GALNTL6: variants seen among roughly 807,000 people sequenced by gnomAD.
GALNTL6 encodes the protein polypeptide N-acetylgalactosaminyltransferase-like 6.
A neutral mutation model predicts 73.7 loss-of-function variants in GALNTL6; 46 were observed. The observed-to-expected ratio is 0.62, with a 90% CI of 0.49 to 0.80. GALNTL6 has a LOEUF of 0.80. GALNTL6 is among the 30% of genes least tolerant of loss of function. GALNTL6 has a pLI of 0.00. For synonymous variants in GALNTL6, 259 were observed against 263.7 expected (o/e 0.98, Z 0.17); for missense variants, 604 against 755.0 (o/e 0.80, Z 2.34).
chr4:172,726,152 G>A (rs1735787343), intron 5 of GALNTL6, among the ~76,000 whole-genome samples: 2 of 152,152 alleles, frequency 1.3e-5, no homozygotes, highest in Admixed American at 1.3e-4. Context: ...TTCCTGCTGA[G>A]CCCTGTAAAC....
Position 172,274,948 on chromosome 4 carries a change from G to A in GALNTL6, c.248-36666G>A, listed in dbSNP as rs138666318. Among the ~76,000 whole-genome samples the A allele has an allele frequency of 1.2e-3, 188 of 152,240 alleles. 1 individual carries two copies. The highest frequency in any genetic ancestry group is 4.1e-3 in the African/African-American group (171 of 41,552). ...AATCTTTTACATTTGTGTAAAAACCGTAGTAAAATTGAGATTACCTGGGTG... is the reference window on the plus strand; with the variant it reads ...AATCTTTTACATTTGTGTAAAAACCATAGTAAAATTGAGATTACCTGGGTG... On this transcript the variant is annotated intron_variant, in intron 3 of 12. Transcript: ENST00000506823.
intron 3 of GALNTL6, among the ~76,000 whole-genome samples, chr4:172,247,482 C>T (rs993068825): frequency 2.0e-5 from 3 of 152,196 alleles, no homozygotes; most frequent in African/African-American, 4.8e-5. Context: ...TACAAAACAG[C>T]TCCTTCCAAC....
intron 5 of GALNTL6, among the ~76,000 whole-genome samples, chr4:172,519,392 A>C (rs1734705411): frequency 6.6e-6 from 1 of 151,412 alleles, no homozygotes; most frequent in Non-Finnish European, 1.5e-5. Flanking sequence ...TGCCTTATCT[A>C]GTAGTTGACC....
chr4:172,012,008 G>A (rs142067062), intron 2 of GALNTL6, among the ~76,000 whole-genome samples: 1 of 151,938 alleles, frequency 6.6e-6, no homozygotes, highest in African/African-American at 2.4e-5. Flanking sequence ...TTATTGATTT[G>A]TCATTTCAGG....
rs548566059 is a variant in GALNTL6, at chr4:172,817,676, C to T, written c.923+3953C>T. Among the ~76,000 whole-genome samples the T allele has an allele frequency of 6.6e-5, 10 of 152,236 alleles. No homozygotes were observed. In the South Asian group the frequency reaches 8.3e-4, roughly 13 times the overall value. Reference sequence around the variant, plus strand: ...CCATGATGACAAAGAGAAAGATGTTCATTTGCTTTCTAAAAGTTTAGAGTG... The same window carrying T: ...CCATGATGACAAAGAGAAAGATGTTTATTTGCTTTCTAAAAGTTTAGAGTG... On this transcript the variant is annotated intron_variant, in intron 7 of 12. Coordinates refer to ENST00000506823, the MANE Select transcript of GALNTL6 (RefSeq NM_001034845.3).
At chr4:172,826,970 C>T (rs184334240) in intron 7 of GALNTL6, among the ~76,000 whole-genome samples, 154 of 152,326 alleles carry the variant, frequency 1.0e-3, no homozygotes, top group Non-Finnish European at 2.0e-3. Flanking sequence ...TGGGCCAAGT[C>T]ACAGTGGGGG....
chr4:172,397,490 T>G (rs1743888298), intron 5 of GALNTL6, among the ~76,000 whole-genome samples: 1 of 152,160 alleles, frequency 6.6e-6, no homozygotes, highest in Non-Finnish European at 1.5e-5. Context: ...ATCACTCACC[T>G]TATGTGAGCT....
chr4:172,261,731 A>G (rs1298320678), intron 3 of GALNTL6, among the ~76,000 whole-genome samples: 2 of 151,186 alleles, frequency 1.3e-5, no homozygotes, highest in Non-Finnish European at 3.0e-5. Flanking sequence ...GATGTAGGCA[A>G]TTAATGCTAT....
At chr4:172,992,072 A>G (rs907388441) in intron 10 of GALNTL6, among the ~76,000 whole-genome samples, 6 of 152,188 alleles carry the variant, frequency 3.9e-5, no homozygotes, top group East Asian at 1.9e-4. Context: ...AGCTAGACCC[A>G]AAAAACCAAA....
At chr4:172,315,673 CT>C (rs1740518507) in intron 4 of GALNTL6, among the ~76,000 whole-genome samples, 1 of 152,062 alleles carries the variant, frequency 6.6e-6, no homozygotes, top group Non-Finnish European at 1.5e-5. Flanking sequence ...TGAATCTCTC[CT>C]TAGAACATCT....
At chr4:171,971,959 G>A (rs1290325695) in intron 2 of GALNTL6, among the ~76,000 whole-genome samples, 1 of 152,032 alleles carries the variant, frequency 6.6e-6, no homozygotes, top group Non-Finnish European at 1.5e-5. Context: ...CATGTCTGAG[G>A]CTTTAGGGGA....
chr4:172,640,315 A>T (rs1479714858), intron 5 of GALNTL6, among the ~76,000 whole-genome samples: 2 of 152,026 alleles, frequency 1.3e-5, no homozygotes, highest in African/African-American at 4.8e-5. Flanking sequence ...GTTTGACCGG[A>T]TGTTCTGCCT....
At chr4:171,941,033 G>C (rs996907869) in intron 2 of GALNTL6, among the ~76,000 whole-genome samples, 1 of 151,926 alleles carries the variant, frequency 6.6e-6, no homozygotes, top group Non-Finnish European at 1.5e-5. Flanking sequence ...TCAATACCAG[G>C]AGAATTAATA....
rs569555637 is a variant in GALNTL6 at position 171,837,759 on chromosome 4, T to A, written c.138+23041T>A. Among the ~76,000 whole-genome samples the A allele has an allele frequency of 2.9e-4, 44 of 149,320 alleles. 3 individuals carry two copies. The South Asian group carries it at 8.6e-3, about 29-fold the overall frequency. ...CTGAAGTTTAAGTTTAAGATTGTTTTAAAATAATGTAAGGGGGAAAACGCC... is the reference window on the plus strand; with the variant it reads ...CTGAAGTTTAAGTTTAAGATTGTTTAAAAATAATGTAAGGGGGAAAACGCC... On this transcript the variant is annotated intron_variant, in intron 2 of 12. Coordinates refer to ENST00000506823, the MANE Select transcript of GALNTL6 (RefSeq NM_001034845.3).
intron 3 of GALNTL6, among the ~76,000 whole-genome samples, chr4:172,259,278 A>AT (rs1056783765): frequency 4.0e-5 from 6 of 151,122 alleles, no homozygotes; most frequent in Non-Finnish European, 7.4e-5. Context: ...ATTATTTTAA[A>AT]TTTTTTAAAT....
chr4:172,620,165 A>G (rs919192609), intron 5 of GALNTL6, among the ~76,000 whole-genome samples: 15 of 152,218 alleles, frequency 9.9e-5, no homozygotes, highest in Non-Finnish European at 2.1e-4. Flanking sequence ...ATGATATAGT[A>G]ATGTATGCAC....
chr4:172,841,721 A>G (rs751806086), intron 7 of GALNTL6, among the ~76,000 whole-genome samples: 5 of 152,158 alleles, frequency 3.3e-5, no homozygotes, highest in Non-Finnish European at 7.4e-5. Flanking sequence ...CAAGAACAGC[A>G]TGGGGGAAAC....
chr4:172,661,224 G>A (rs1731351541), intron 5 of GALNTL6, among the ~76,000 whole-genome samples: 1 of 152,084 alleles, frequency 6.6e-6, no homozygotes, highest in South Asian at 2.1e-4. Flanking sequence ...CTGACCTCCA[G>A]CCCCTCACCT....
rs186326231 is a variant in GALNTL6, at chr4:171,950,384, C to G, written c.138+135666C>G. Among the ~76,000 whole-genome samples the G allele has an allele frequency of 1.4e-4, 21 of 152,002 alleles. No individual in the cohort carries two copies. The East Asian group carries it at 3.3e-3, about 24-fold the overall frequency. ...TAGGTTAAAAAAGAGAAAACATCAA[C>G]CTTATAAATCAACAATAGGATGAAG... On this transcript the variant is annotated intron_variant, in intron 2 of 12. Coordinates refer to ENST00000506823, the MANE Select transcript of GALNTL6 (RefSeq NM_001034845.3).
Sources: gnomAD v4.1 joint callset for allele counts (sites outside exome capture counted in the v4.1 genomes callset) on GRCh38, gnomAD v4.1.1 for gene constraint, MANE v1.5 for transcripts, NCBI Gene and HGNC (gene_info 2026-07-23, HGNC 2026-07-21) for gene names.